Variants in ARMC1 observed in about 807,000 individuals in gnomAD.
ARMC1 encodes the protein armadillo repeat-containing protein 1.
ARMC1 carries 16 observed loss-of-function variants against 31.4 expected under a neutral mutation model. The observed-to-expected ratio is 0.51, with a 90% confidence interval of 0.34 to 0.77. ARMC1 has a LOEUF of 0.77. ARMC1 is among the 30% of genes least tolerant of loss of function. ARMC1 has a pLI of 0.01. For synonymous variants in ARMC1, 114 were observed against 118.9 expected, an observed-to-expected ratio of 0.96 and a Z score of 0.27; for missense variants, 259 against 347.5, an observed-to-expected ratio of 0.75 and a Z score of 2.02.
At chr8:65,620,322 G>C (rs904360769) in intron 3 of ARMC1, among the ~76,000 whole-genome samples, 3 of 92,414 alleles carry the variant, frequency 3.2e-5, no homozygotes, top group East Asian at 6.8e-4. Flanking sequence ...TTTTTTTTGA[G>C]AGGGAATCTC....
chr8:65,605,375 T>G, intron 5 of ARMC1, 38 bp from the exon 6 acceptor site: 2 of 1,612,958 alleles, frequency 1.2e-6, no homozygotes, highest in Non-Finnish European at 1.7e-6. Context: ...TGAAATTGAT[T>G]TGTTTACCTG....
At chr8:65,627,670 TTA>T (rs201703272) in intron 1 of ARMC1, among the ~76,000 whole-genome samples, 3,384 of 152,328 alleles carry the variant, frequency 0.022, 40 homozygotes, top group Non-Finnish European at 0.033. Flanking sequence ...TTCCAATAAA[TTA>T]TGTTTTAGCA....
In ARMC1 at chr8:65,604,525, A is replaced by G; in HGVS notation, c.718T>C (p.Tyr240His). The G allele has an allele frequency of 6.2e-7, 1 of 1,614,116 alleles. No individual in the cohort carries two copies. The highest frequency in any genetic ancestry group is 8.5e-7 in the Non-Finnish European group (1 of 1,180,040). Reference sequence around the variant, plus strand: ...GTGGGACTCTCATCCTCAGGCAGGTAGTCAGGTAGCTCTGTGTTCTGTTCA... The same window carrying G: ...GTGGGACTCTCATCCTCAGGCAGGTGGTCAGGTAGCTCTGTGTTCTGTTCA... ...EVEQNTELPD[Y>H]LPEDESPTKE... The change falls in exon 7 of 7, where the codon TAC (tyrosine) becomes CAC (histidine). Residue 240 changes from tyrosine to histidine, a missense_variant. By Grantham distance (83) the Tyr-to-His change is moderately conservative. Transcript: ENST00000276569.
intron 3 of ARMC1, among the ~76,000 whole-genome samples, chr8:65,622,057 C>T (rs953294743): frequency 1.2e-4 from 18 of 152,104 alleles, no homozygotes; most frequent in African/African-American, 4.1e-4. Flanking sequence ...CCTCCCTCAG[C>T]CAGCTAAATG....
chr8:65,607,298 T>A (rs1332184961), intron 4 of ARMC1, among the ~76,000 whole-genome samples: 5 of 152,214 alleles, frequency 3.3e-5, no homozygotes, highest in Non-Finnish European at 7.3e-5. Flanking sequence ...CTTCCACATA[T>A]TCAACACCAG....
At chr8:65,619,293 TAG>T (rs1455114235) in intron 3 of ARMC1, among the ~76,000 whole-genome samples, 23 of 151,542 alleles carry the variant, frequency 1.5e-4, no homozygotes, top group African/African-American at 5.3e-4. Flanking sequence ...CCAGCACTTA[TAG>T]AGAGGCCGAG....
chr8:65,628,946 G>A (rs1472893959), intron 1 of ARMC1, among the ~76,000 whole-genome samples: 1 of 151,050 alleles, frequency 6.6e-6, no homozygotes, highest in Non-Finnish European at 1.5e-5. Flanking sequence ...CTGATGTCAG[G>A]AGTTCAAGAC....
Position 65,605,305 on chromosome 8 carries a change from A to G in ARMC1, c.615T>C (p.Val205=). 2 of 1,613,832 alleles carry G rather than the reference A, an allele frequency of 1.2e-6. No individual in the cohort carries two copies. The highest frequency in any genetic ancestry group is 1.7e-6 in the Non-Finnish European group (2 of 1,179,978). ...ALASAIASTK[V]MKAQQVVKSE... is the part of the protein sequence containing the mutation. ...TTTTCACAACTTGCTGAGCTTTCAT[A>G]ACCTTGGTTGATGCTATTGCTGATG... The change falls in exon 6 of 7, where the codon GTT becomes GTC. Residue 205 remains valine, a synonymous_variant. Transcript: ENST00000276569.
At position 65,623,307 on chromosome 8, in the gene ARMC1, C is replaced by CAAAAAAA. The variant is rs71245496; in HGVS notation, c.184-960_184-954dup. Among the ~76,000 whole-genome samples, 13 of 38,338 alleles carry CAAAAAAA rather than the reference C, an allele frequency of 3.4e-4. 4 individuals carry two copies. Among genetic ancestry groups the CAAAAAAA allele is most frequent in the East Asian group, 6.5e-4 (1 of 1,544 alleles). 25.2% of individuals were successfully genotyped at this position (38,338 alleles called of 152,430 possible). A position where few individuals can be genotyped will look rare whatever the true frequency, so the allele number is the denominator to read the frequency against. On this transcript the variant is annotated intron_variant, in intron 2 of 6. Transcript: ENST00000276569. ...TGGGCGACAGAGCAAGACTCCGTCT[C>CAAAAAAA]AAAAAAAAAAAAAAAAATGCTGGGC...
chr8:65,610,286 AC>A (rs1156639972), intron 4 of ARMC1, among the ~76,000 whole-genome samples: 1 of 151,740 alleles, frequency 6.6e-6, no homozygotes, highest in East Asian at 2.0e-4. Context: ...TTTAGTAGAG[AC>A]GGGGTTTCAC....
intron 3 of ARMC1, among the ~76,000 whole-genome samples, chr8:65,617,218 T>C (rs1808290269): frequency 6.6e-6 from 1 of 152,222 alleles, no homozygotes; most frequent in South Asian, 2.1e-4. Flanking sequence ...AATCAGATTG[T>C]TGCTGTGTCT....
At chr8:65,633,392 C>T (rs903767010) in intron 1 of ARMC1, among the ~76,000 whole-genome samples, 1 of 152,172 alleles carries the variant, frequency 6.6e-6, no homozygotes, top group Non-Finnish European at 1.5e-5. Context: ...CAATCCTCAG[C>T]GGTTATCAGA....
chr8:65,624,408 A>C (rs1030356204), intron 2 of ARMC1, among the ~76,000 whole-genome samples: 2 of 147,060 alleles, frequency 1.4e-5, no homozygotes, highest in Non-Finnish European at 3.0e-5. Context: ...CTGAGGCAGA[A>C]GAATCATTTG....
chr8:65,605,524 T>A lies in ARMC1; in HGVS notation c.480A>T (p.Leu160=). Residue 160 remains leucine, a synonymous_variant, in exon 5 of 7, where the codon CTA becomes CTT. Transcript: ENST00000276569. Reference sequence around the variant, plus strand: ...TAATTTTTAACAAAGCCTCTTCACATAGATTTCTCCGAGACTGAAAAAGTA... The same window carrying A: ...TAATTTTTAACAAAGCCTCTTCACAAAGATTTCTCCGAGACTGAAAAAGTA... ...DGLDDTSRRN[L]CEEALLKIKG... 6.2e-7 allele frequency: 1 copy of A among 1,611,346 alleles called. No homozygotes were observed. Among genetic ancestry groups the A allele is most frequent in the South Asian group, 1.1e-5 (1 of 91,002 alleles).
chr8:65,630,755 G>A (rs1294921566), intron 1 of ARMC1, among the ~76,000 whole-genome samples: 2 of 151,842 alleles, frequency 1.3e-5, no homozygotes, highest in African/African-American at 4.8e-5. Flanking sequence ...GGAGGCGGAG[G>A]TTGCAGTGAG....
chr8:65,611,076 G>A (rs1808129714), intron 4 of ARMC1, among the ~76,000 whole-genome samples: 1 of 152,020 alleles, frequency 6.6e-6, no homozygotes, highest in Admixed American at 6.6e-5. Context: ...TGGGATTACA[G>A]GCCTACACTA....
chr8:65,626,345 T>A (rs922077107), intron 2 of ARMC1, among the ~76,000 whole-genome samples: 1 of 151,458 alleles, frequency 6.6e-6, no homozygotes, highest in Non-Finnish European at 1.5e-5. Flanking sequence ...GGCTCACATC[T>A]GTAATCTAAG....
At chr8:65,608,660 C>T (rs1808056085) in intron 4 of ARMC1, among the ~76,000 whole-genome samples, 1 of 152,130 alleles carries the variant, frequency 6.6e-6, no homozygotes, top group South Asian at 2.1e-4. Flanking sequence ...TATAACCTAG[C>T]ACTTTGGGAG....
chr8:65,624,750 C>T (rs1808478909), intron 2 of ARMC1, among the ~76,000 whole-genome samples: 1 of 146,666 alleles, frequency 6.8e-6, no homozygotes, highest in Non-Finnish European at 1.5e-5. Flanking sequence ...CCTACAGCAA[C>T]CACTAAATAA....
Sources: gnomAD v4.1 joint callset for allele counts (sites outside exome capture counted in the v4.1 genomes callset) on GRCh38, gnomAD v4.1.1 for gene constraint, MANE v1.5 for transcripts, NCBI Gene and HGNC (gene_info 2026-07-23, HGNC 2026-07-21) for gene names.